GRM6: variants seen among roughly 807,000 people sequenced by gnomAD.
GRM6 encodes metabotropic glutamate receptor 6.
In GRM6, 73 loss-of-function variants were observed where a neutral mutation model predicts 78.4. The ratio of observed to expected loss-of-function variants is 0.93; its 90% CI spans 0.77 to 1.13. The LOEUF (loss-of-function observed/expected upper bound fraction) is 1.13, where lower values mean the gene tolerates loss of function less well. Ranked by LOEUF, GRM6 falls within the 50% of genes most tolerant of loss-of-function variation. The probability of loss-of-function intolerance (pLI) is 0.00; values close to 1 mark genes in which losing one functional copy is unlikely to be tolerated. For synonymous variants in GRM6, 580 were observed against 555.0 expected (o/e 1.05, Z -0.63); for missense variants, 1,251 against 1,256.4 (o/e 1.00, Z 0.07).
chr5:178,986,775 C>G lies in GRM6; in HGVS notation c.1501-22G>C, dbSNP rs541830634. 6.2e-6 allele frequency: 10 copies of G among 1,610,576 alleles called. No individual in the cohort carries two copies. In the South Asian group the frequency reaches 7.7e-5, roughly 12 times the overall value. The stretch of plus-strand genomic sequence containing the variant: ...CCACCTGGGACGCACAAAACACAGG[C>G]TGGGGCGTCTGCCTCCGGGATCCTG... On this transcript the variant is annotated intron_variant, in intron 8 of 10. Transcript: ENST00000517717.
chr5:178,985,814 T>C (rs528052002), intron 9 of GRM6: 2 of 521,482 alleles, frequency 3.8e-6, no homozygotes, highest in African/African-American at 1.9e-5. Context: ...CAAGCTGGAT[T>C]GTAGTGGTGC....
At chr5:178,985,416 A>C (rs1390130156) in intron 9 of GRM6, 1 of 364,632 alleles carries the variant, frequency 2.7e-6, no homozygotes, top group Non-Finnish European at 5.3e-6. Flanking sequence ...AAAAAAAAAA[A>C]AAACTCACTG....
Position 178,994,844 on chromosome 5 carries a change from C to A in GRM6, c.101G>T (p.Arg34Leu), listed in dbSNP as rs1466374750. The A allele has an allele frequency of 1.1e-5, 14 of 1,219,216 alleles. No homozygotes were observed. In the East Asian group the frequency reaches 5.2e-4, roughly 45 times the overall value. 75.5% of individuals were successfully genotyped at this position (1,219,216 alleles called of 1,614,324 possible). A position where few individuals can be genotyped will look rare whatever the true frequency, so the allele number is the denominator to read the frequency against. Residue 34 changes from arginine to leucine, a missense_variant, in exon 2 of 11, where the codon CGC (arginine) becomes CTC (leucine). Coordinates refer to ENST00000517717, the MANE Select transcript of GRM6 (RefSeq NM_000843.4). ...AGLARAAGSV[R>L]LAGGLTLGGL... The stretch of plus-strand genomic sequence containing the variant: ...GCCCAGCGTCAGGCCGCCCGCCAGG[C>A]GCACAGAGCCCGCCGCGCGCGCCAG...
At position 178,994,749 on chromosome 5, in the gene GRM6, C is replaced by T. The variant is rs1250315686; in HGVS notation, c.196G>A (p.Val66Met). The T allele has an allele frequency of 1.4e-6, 2 of 1,421,630 alleles. No individual in the cohort carries two copies. Among genetic ancestry groups the T allele is most frequent in the African/African-American group, 1.5e-5 (1 of 67,248 alleles). The allele number at this position is 1,421,630 out of a possible 1,614,324, so 88.1% of individuals were successfully genotyped here. The change falls in exon 2 of 11, where the codon GTG (valine) becomes ATG (methionine). Residue 66 changes from valine to methionine, a missense_variant. By Grantham distance (21) the Val-to-Met change is conservative. Transcript: ENST00000517717. Reference protein sequence around the residue: ...ACGQLKKEQGVHRLEAMLYAL... With the variant: ...ACGQLKKEQGMHRLEAMLYAL... ...TACAGCATGGCCTCCAGCCGGTGCACGCCCTGCTCCTTCTTCAGCTGCCCG... is the reference window on the plus strand; with the variant it reads ...TACAGCATGGCCTCCAGCCGGTGCATGCCCTGCTCCTTCTTCAGCTGCCCG...
In GRM6 at chr5:178,989,060, G is replaced by A. The variant is rs1421428933; in HGVS notation, c.1229C>T (p.Ala410Val). The change falls in exon 7 of 11, where the codon GCC (alanine) becomes GTC (valine). Residue 410 changes from alanine (A) to valine (V), a missense_variant. By Grantham distance (64) the Ala-to-Val change is moderately conservative. Transcript: ENST00000517717. ...CATGCTGTGGAGGGCGTGGGCAATG[G>A]CGTACACCGCATCAATCACAAACTG... ...KVQFVIDAVYAIAHALHSMHQ... is the reference protein window; with the variant it reads ...KVQFVIDAVYVIAHALHSMHQ... The A allele has an allele frequency of 3.1e-6, 5 of 1,613,908 alleles. No individual in the cohort carries two copies. The Admixed American group carries it at 8.3e-5, about 27-fold the overall frequency.
chr5:178,990,520 G>A, intron 5 of GRM6, 72 bp downstream of exon 5: 1 of 1,253,774 alleles, frequency 8.0e-7, no homozygotes, highest in South Asian at 1.2e-5. Flanking sequence ...CACAGATGCA[G>A]AAAATGAGCA....
chr5:178,985,979 C>T, intron 9 of GRM6, 151 bp downstream of exon 9: 1 of 701,776 alleles, frequency 1.4e-6, no homozygotes, highest in Non-Finnish European at 2.4e-6. Context: ...CCAGGCTGGT[C>T]TCGAACTCCT....
Position 178,994,819 on chromosome 5 carries a change from G to T in GRM6, c.126C>A (p.Gly42=). The change falls in exon 2 of 11, where the codon GGC becomes GGA. Residue 42 remains glycine (G), a synonymous_variant. Coordinates refer to ENST00000517717, the MANE Select transcript of GRM6 (RefSeq NM_000843.4). ...SVRLAGGLTL[G]GLFPVHARGA... ...CCCGCGCGTGCACCGGGAACAGGCC[G>T]CCCAGCGTCAGGCCGCCCGCCAGGC... 1 of 1,255,796 alleles carries T rather than the reference G, an allele frequency of 8.0e-7. No individual in the cohort carries two copies. Among genetic ancestry groups the T allele is most frequent in the Non-Finnish European group, 1.0e-6 (1 of 1,000,370 alleles). The allele number at this position is 1,255,796 out of a possible 1,614,324, so 77.8% of individuals were successfully genotyped here. A position where few individuals can be genotyped will look rare whatever the true frequency, so the allele number is the denominator to read the frequency against.
At chr5:178,986,005 A>G in intron 9 of GRM6, 125 bp downstream of exon 9, 4 of 856,258 alleles carry the variant, frequency 4.7e-6, no homozygotes, top group Admixed American at 2.7e-5. Flanking sequence ...CAGGTGATCC[A>G]CCCACCTCAG....
At position 178,994,490 on chromosome 5, in the gene GRM6, G is replaced by A; in HGVS notation, c.455C>T (p.Ser152Leu). Residue 152 changes from serine to leucine, a missense_variant, in exon 2 of 11, where the codon TCG (serine) becomes TTG (leucine). Coordinates refer to ENST00000517717, the MANE Select transcript of GRM6 (RefSeq NM_000843.4). The stretch of plus-strand genomic sequence containing the variant: ...GACCATGATGGAGACGGAGCTGGCC[G>A]AGGCGCCCACGACGGCCACGACGCG... The part of the protein sequence containing the change: ...PERVVAVVGA[S>L]ASSVSIMVAN... The A allele has an allele frequency of 1.4e-6, 2 of 1,457,364 alleles. No individual in the cohort carries two copies. Among genetic ancestry groups the A allele is most frequent in the South Asian group, 1.3e-5 (1 of 75,616 alleles). 90.3% of individuals were successfully genotyped at this position (1,457,364 alleles called of 1,614,324 possible). A position where few individuals can be genotyped will look rare whatever the true frequency, so the allele number is the denominator to read the frequency against.
At position 178,981,336 on chromosome 5, in the gene GRM6, C is replaced by CAGGG. The variant is rs1340004448; in HGVS notation, c.*317_*320dup. 5 of 323,664 alleles carry CAGGG rather than the reference C, an allele frequency of 1.5e-5. No homozygotes were observed. The highest frequency in any genetic ancestry group is 2.3e-5 in the Non-Finnish European group (4 of 171,774). 20.0% of individuals were successfully genotyped at this position (323,664 alleles called of 1,614,324 possible). A position where few individuals can be genotyped will look rare whatever the true frequency, so the allele number is the denominator to read the frequency against. On this transcript the variant is annotated 3_prime_UTR_variant, in exon 11 of 11. Transcript: ENST00000517717. The surrounding 1 kb of genome is among the most constrained non-coding windows in gnomAD (Gnocchi z 5.1). ...AATCTCCCGCAAACCAGGCAAAGCCCAGGGCTTCATCATCCTCTTTGGACT... is the reference window on the plus strand; with the variant it reads ...AATCTCCCGCAAACCAGGCAAAGCCCAGGGAGGGCTTCATCATCCTCTTTGGACT...
Position 178,994,432 on chromosome 5 carries a change from G to A in GRM6, c.504+9C>T, listed in dbSNP as rs1356451738. 2 of 1,491,724 alleles carry A rather than the reference G, an allele frequency of 1.3e-6. No individual in the cohort carries two copies. Among genetic ancestry groups the A allele is most frequent in the Admixed American group, 2.2e-5 (1 of 46,018 alleles). The allele number at this position is 1,491,724 out of a possible 1,614,324, so 92.4% of individuals were successfully genotyped here. A position where few individuals can be genotyped will look rare whatever the true frequency, so the allele number is the denominator to read the frequency against. On this transcript the variant is annotated intron_variant, in intron 2 of 10. Transcript: ENST00000517717. Reference sequence around the variant, plus strand: ...CGCTGGACACCGAGCCCGGCCCCGCGGCCCTCACCGCAAACAGGCGCAGCA... The same window carrying A: ...CGCTGGACACCGAGCCCGGCCCCGCAGCCCTCACCGCAAACAGGCGCAGCA...
At position 178,994,459 on chromosome 5, in the gene GRM6, G is replaced by C. The variant is rs1204290337; in HGVS notation, c.486C>G (p.Asn162Lys). The change falls in exon 2 of 11, where the codon AAC becomes AAG. Residue 162 changes from asparagine to lysine, a missense_variant. By Grantham distance (94) the Asn-to-Lys change is moderately conservative. Transcript: ENST00000517717. ...CCCTCACCGCAAACAGGCGCAGCACGTTGGCGACCATGATGGAGACGGAGC... is the reference window on the plus strand; with the variant it reads ...CCCTCACCGCAAACAGGCGCAGCACCTTGGCGACCATGATGGAGACGGAGC... ...SASSVSIMVANVLRLFAIPQI... is the reference protein window; with the variant it reads ...SASSVSIMVAKVLRLFAIPQI... 4 of 1,488,632 alleles carry C rather than the reference G, an allele frequency of 2.7e-6. No individual in the cohort carries two copies. Among genetic ancestry groups the C allele is most frequent in the Non-Finnish European group, 3.6e-6 (4 of 1,125,392 alleles). The allele number at this position is 1,488,632 out of a possible 1,614,324, so 92.2% of individuals were successfully genotyped here.
chr5:178,987,311 T>C, intron 7 of GRM6: 1 of 512,636 alleles, frequency 2.0e-6, no homozygotes, highest in South Asian at 1.5e-5. Flanking sequence ...CACTCCCGGG[T>C]AGATACTCGA....
At position 178,991,554 on chromosome 5, in the gene GRM6, C is replaced by T. The variant is rs17078894; in HGVS notation, c.727G>A (p.Val243Ile). 10 of 1,612,678 alleles carry T rather than the reference C, an allele frequency of 6.2e-6. No homozygotes were observed. The highest frequency in any genetic ancestry group is 1.3e-5 in the African/African-American group (1 of 74,822). ...FVQISREAGGVCIAQSIKIPR... is the reference protein window; with the variant it reads ...FVQISREAGGICIAQSIKIPR... ...ATCTTGATAGACTGGGCAATACAGACCCCCCCTGGGCGTTGGGGGTGCCAG... is the reference window on the plus strand; with the variant it reads ...ATCTTGATAGACTGGGCAATACAGATCCCCCCTGGGCGTTGGGGGTGCCAG... The change falls in exon 4 of 11, where the codon GTC (valine) becomes ATC (isoleucine). Residue 243 changes from valine (V) to isoleucine (I), a missense_variant. By Grantham distance (29) the Val-to-Ile change is conservative (BLOSUM62 3). Coordinates refer to ENST00000517717, the MANE Select transcript of GRM6 (RefSeq NM_000843.4). The surrounding 1 kb of genome is among the most constrained non-coding windows in gnomAD (Gnocchi z 5.0).
intron 2 of GRM6, 34 bp downstream of exon 2, chr5:178,994,407 C>T: frequency 1.4e-6 from 2 of 1,476,492 alleles, no homozygotes; most frequent in Non-Finnish European, 8.9e-7. Flanking sequence ...GGGAGAGGGA[C>T]GCTGGACACC....
rs1254582917 is a variant in GRM6, at chr5:178,991,438, A to T, written c.843T>A (p.Asn281Lys). 6.2e-7 allele frequency: 1 copy of T among 1,613,806 alleles called. No individual in the cohort carries two copies. Among genetic ancestry groups the T allele is most frequent in the African/African-American group, 1.3e-5 (1 of 74,870 alleles). ...PNARGIIIFANEDDIRRVLEA... is the reference protein window; with the variant it reads ...PNARGIIIFAKEDDIRRVLEA... ...CACTGTCCCACCTGATGTCATCCTC[A>T]TTGGCAAAGATGATGATGCCCCGGG... Residue 281 changes from asparagine (N) to lysine (K), a missense_variant, in exon 4 of 11, where the codon AAT (asparagine) becomes AAA (lysine). Physicochemically the swap from Asn to Lys is moderately conservative, Grantham distance 94. Transcript: ENST00000517717. The surrounding 1 kb of genome is among the most constrained non-coding windows in gnomAD (Gnocchi z 5.0).
In GRM6 at chr5:178,986,234, G is replaced by C. The variant is rs144442083; in HGVS notation, c.2020C>G (p.Arg674Gly). 1.9e-6 allele frequency: 3 copies of C among 1,614,190 alleles called. No individual in the cohort carries two copies. Among genetic ancestry groups the C allele is most frequent in the Non-Finnish European group, 2.5e-6 (3 of 1,180,022 alleles). ...SYSALLTKTN[R>G]IYRIFEQGKR... ...CCCTGCTCAAAGATGCGGTAGATAC[G>C]GTTGGTCTTGGTGAGCAGGGCAGAG... Residue 674 changes from arginine to glycine, a missense_variant, in exon 9 of 11, where the codon CGT becomes GGT. Physicochemically the swap from Arg to Gly is moderately radical, Grantham distance 125. Transcript: ENST00000517717.
At chr5:178,982,108 C>G (rs562923528) in intron 10 of GRM6, among the ~76,000 whole-genome samples, 1 of 152,242 alleles carries the variant, frequency 6.6e-6, no homozygotes, top group Admixed American at 6.5e-5. Flanking sequence ...GAAGCGGGAG[C>G]CGGGGCATGT....
Sources: gnomAD v4.1 joint callset for allele counts (sites outside exome capture counted in the v4.1 genomes callset) on GRCh38, gnomAD v4.1.1 for gene constraint, Gnocchi (gnomAD v3.1) non-coding constraint, MANE v1.5 for transcripts, NCBI Gene and HGNC (gene_info 2026-07-23, HGNC 2026-07-21) for gene names.